Variants in CWF19L1 observed in about 807,000 individuals in gnomAD.
The protein encoded by CWF19L1 is CWF19 like cell cycle control factor 1, also known as CWF19-like protein 1.
Under a neutral mutation model 69.7 loss-of-function variants are expected in CWF19L1, and 60 were observed. The ratio of observed to expected loss-of-function variants is 0.86; its 90% CI spans 0.70 to 1.07. The LOEUF (loss-of-function observed/expected upper bound fraction) is 1.07, where lower values mean the gene tolerates loss of function less well. Ranked by LOEUF, CWF19L1 falls within the 50% of genes least tolerant of loss-of-function variation. The probability of loss-of-function intolerance (pLI) is 0.00; values close to 1 mark genes in which losing one functional copy is unlikely to be tolerated. For synonymous variants in CWF19L1, 209 were observed against 222.2 expected, an observed-to-expected ratio of 0.94 and a Z score of 0.53; for missense variants, 591 against 638.9, an observed-to-expected ratio of 0.92 and a Z score of 0.81.
chr10:100,262,759 GTGAC>G (rs978440943), intron 1 of CWF19L1, among the ~76,000 whole-genome samples: 4 of 152,292 alleles, frequency 2.6e-5, no homozygotes, highest in Admixed American at 2.0e-4. Flanking sequence ...ACGTTGTGAA[GTGAC>G]TTTTACTATC....
chr10:100,238,887 G>A (rs577034921), intron 10 of CWF19L1, among the ~76,000 whole-genome samples: 37 of 144,838 alleles, frequency 2.6e-4, no homozygotes, highest in Non-Finnish European at 4.9e-4. Flanking sequence ...AGCCGAGATC[G>A]CGCCACTACA....
intron 10 of CWF19L1, among the ~76,000 whole-genome samples, chr10:100,241,304 T>C (rs1054680570): frequency 1.3e-5 from 2 of 152,130 alleles, no homozygotes; most frequent in East Asian, 1.9e-4. Flanking sequence ...CGTGAGCCAC[T>C]GCACCCGGCC....
At chr10:100,254,296 CA>C (rs1190844885) in intron 5 of CWF19L1, 2 of 152,286 alleles carry the variant, frequency 1.3e-5, no homozygotes, top group East Asian at 3.9e-4. Flanking sequence ...ATAGAGTATT[CA>C]AGGACTTCAT....
At chr10:100,259,795 T>A (rs913812773) in intron 4 of CWF19L1, among the ~76,000 whole-genome samples, 2 of 152,194 alleles carry the variant, frequency 1.3e-5, no homozygotes, top group African/African-American at 4.8e-5. Flanking sequence ...TATCTCAGGC[T>A]GCAATCACTG....
At chr10:100,262,736 G>A (rs1282255475) in intron 1 of CWF19L1, among the ~76,000 whole-genome samples, 1 of 152,134 alleles carries the variant, frequency 6.6e-6, no homozygotes, top group East Asian at 1.9e-4. Flanking sequence ...CATTGGTAAG[G>A]TAAACTGGCC....
intron 4 of CWF19L1, chr10:100,258,454 T>C (rs1847284682): frequency 6.6e-6 from 1 of 152,198 alleles, no homozygotes; most frequent in South Asian, 2.1e-4. Flanking sequence ...ATATCTACAG[T>C]AATGCCCTTA....
chr10:100,253,746 G>T (rs1403430240), intron 5 of CWF19L1: 1 of 440,432 alleles, frequency 2.3e-6, no homozygotes, highest in South Asian at 5.2e-5. Flanking sequence ...TGTAGAAATA[G>T]GAACAACTGT....
intron 9 of CWF19L1, among the ~76,000 whole-genome samples, chr10:100,244,615 A>G (rs866088719): frequency 6.6e-6 from 1 of 152,072 alleles, no homozygotes; most frequent in Non-Finnish European, 1.5e-5. Context: ...TCGGCCTCCC[A>G]AAGTGCTGGG....
chr10:100,238,337 T>G (rs1048768445), intron 10 of CWF19L1, 106 bp from the exon 11 acceptor site: 2 of 900,534 alleles, frequency 2.2e-6, no homozygotes, highest in African/African-American at 3.4e-5. Context: ...CGAAAAGTAC[T>G]TGAGGTTATT....
At position 100,233,409 on chromosome 10, in the gene CWF19L1, T is replaced by G. The variant is rs781106971; in HGVS notation, c.1473-38A>C. The G allele has an allele frequency of 1.9e-6, 3 of 1,599,834 alleles. No homozygotes were observed. The Admixed American group carries it at 5.1e-5, about 27-fold the overall frequency. ...CACAAAGAAGTCAAAATGGAAACTA[T>G]CAGCCTGAGCTCTCCTCAACATCAC... On this transcript the variant is annotated intron_variant, in intron 13 of 13. Coordinates refer to ENST00000354105, the MANE Select transcript of CWF19L1 (RefSeq NM_018294.6).
At chr10:100,243,899 A>AGG in intron 9 of CWF19L1, 122 bp from the exon 10 acceptor site, 1 of 756,214 alleles carries the variant, frequency 1.3e-6, no homozygotes, top group East Asian at 2.5e-5. Context: ...ACACTGCCAC[A>AGG]ATGGGCTGAG....
chr10:100,236,538 A>G (rs7905302), intron 12 of CWF19L1, among the ~76,000 whole-genome samples: 77,571 of 151,758 alleles, frequency 0.51, 20,622 homozygotes, highest in African/African-American at 0.65. Flanking sequence ...TCGGGAGGCC[A>G]AGGCAGGCAG....
At chr10:100,255,402 TG>T (rs1281017534) in intron 5 of CWF19L1, among the ~76,000 whole-genome samples, 1 of 151,984 alleles carries the variant, frequency 6.6e-6, no homozygotes, top group Non-Finnish European at 1.5e-5. Flanking sequence ...CCCAGCATTT[TG>T]GGAGGCTGAG....
intron 10 of CWF19L1, among the ~76,000 whole-genome samples, chr10:100,242,852 G>A (rs183702561): frequency 4.7e-4 from 71 of 151,962 alleles, no homozygotes; most frequent in African/African-American, 1.4e-3. Flanking sequence ...TCAATTAGAC[G>A]GGCTAAAAAA....
chr10:100,250,485 G>A (rs180814460), intron 6 of CWF19L1, among the ~76,000 whole-genome samples, 153 bp from the exon 7 acceptor site: 5 of 152,212 alleles, frequency 3.3e-5, no homozygotes, highest in East Asian at 3.9e-4. Flanking sequence ...CTATCTATCC[G>A]TCTAATAGGG....
chr10:100,262,865 T>C (rs1056916285), intron 1 of CWF19L1, among the ~76,000 whole-genome samples: 1 of 152,210 alleles, frequency 6.6e-6, no homozygotes, highest in Non-Finnish European at 1.5e-5. Flanking sequence ...TCTTGAAATA[T>C]TAAAATTTTA....
intron 1 of CWF19L1, among the ~76,000 whole-genome samples, chr10:100,264,421 T>C (rs1847504808): frequency 2.0e-5 from 3 of 151,914 alleles, no homozygotes; most frequent in Non-Finnish European, 4.4e-5. Context: ...GGCGGGCGCC[T>C]GTAGTCCCAG....
At position 100,246,779 on chromosome 10, in the gene CWF19L1, C is replaced by T. The variant is rs773494720; in HGVS notation, c.849+16G>A. On this transcript the variant is annotated intron_variant, in intron 8 of 13. Transcript: ENST00000354105. ...AAGAACACATATAAAAATGCCAACCCTCAATCAGAACATACCACAGGGGCA... is the reference window on the plus strand; with the variant it reads ...AAGAACACATATAAAAATGCCAACCTTCAATCAGAACATACCACAGGGGCA... 6.3e-7 allele frequency: 1 copy of T among 1,599,602 alleles called. No individual in the cohort carries two copies. Among genetic ancestry groups the T allele is most frequent in the Non-Finnish European group, 8.5e-7 (1 of 1,170,594 alleles).
chr10:100,264,192 A>G (rs1024176223), intron 1 of CWF19L1, among the ~76,000 whole-genome samples: 1 of 152,244 alleles, frequency 6.6e-6, no homozygotes, highest in African/African-American at 2.4e-5. Flanking sequence ...ACAGTTATGT[A>G]CAGTATACAA....
Sources: gnomAD v4.1 joint callset for allele counts (sites outside exome capture counted in the v4.1 genomes callset) on GRCh38, gnomAD v4.1.1 for gene constraint, MANE v1.5 for transcripts, NCBI Gene and HGNC (gene_info 2026-07-23, HGNC 2026-07-21) for gene names.